Variants in TEX11 observed in about 807,000 individuals in gnomAD.
TEX11 encodes the protein testis-expressed protein 11.
TEX11 carries 7 observed loss-of-function variants against 84.4 expected under a neutral mutation model. The ratio of observed to expected loss-of-function variants is 0.08; its 90% CI spans 0.05 to 0.16. The LOEUF is 0.16. TEX11 is among the 10% of genes least tolerant of loss of function. The pLI, the probability that TEX11 is intolerant of heterozygous loss-of-function variation, is 1.00. For synonymous variants in TEX11, 264 were observed against 222.8 expected (o/e 1.18, Z -1.64); for missense variants, 551 against 660.5 (o/e 0.83, Z 1.82).
intron 8 of TEX11, among the ~76,000 whole-genome samples, chrX:70,817,234 CACACACACACATATATATAT>C (rs1316695829): frequency 9.1e-4 from 80 of 87,555 alleles, no homozygotes; most frequent in East Asian, 5.9e-3. Context: ...TACACATACA[CACACACACACATATATATAT>C]ACACACACAC....
intron 23 of TEX11, 108 bp downstream of exon 23, chrX:70,606,851 T>C (rs1414390731): frequency 7.2e-6 from 3 of 417,561 alleles, no homozygotes; most frequent in Non-Finnish European, 1.2e-5. Flanking sequence ...TATTAAAAGT[T>C]CCTAGATCAA....
At chrX:70,811,731 G>T (rs1569447343) in intron 8 of TEX11, among the ~76,000 whole-genome samples, 2 of 110,599 alleles carry the variant, frequency 1.8e-5, no homozygotes, top group Non-Finnish European at 3.8e-5. Flanking sequence ...ACTGGTGTGA[G>T]ATGGTATCTC....
At chrX:70,573,980 G>A (rs1371708020) in intron 25 of TEX11, among the ~76,000 whole-genome samples, 1 of 111,912 alleles carries the variant, frequency 8.9e-6, no homozygotes, top group Non-Finnish European at 1.9e-5. Context: ...GATGACACTT[G>A]ATGAATACTT....
At chrX:70,700,541 C>A (rs1195595201) in intron 13 of TEX11, among the ~76,000 whole-genome samples, 1 of 111,398 alleles carries the variant, frequency 9.0e-6, no homozygotes, top group Non-Finnish European at 1.9e-5. Flanking sequence ...ACTAATTATT[C>A]CCCATCTCTC....
intron 13 of TEX11, among the ~76,000 whole-genome samples, chrX:70,720,362 C>T (rs2090547882): frequency 9.1e-6 from 1 of 110,135 alleles, no homozygotes; most frequent in African/African-American, 3.3e-5. Flanking sequence ...CACACCGGGG[C>T]CTTTCATGGG....
At chrX:70,715,539 T>C (rs994567509) in intron 13 of TEX11, among the ~76,000 whole-genome samples, 1 of 111,949 alleles carries the variant, frequency 8.9e-6, no homozygotes, top group African/African-American at 3.2e-5. Context: ...ATTTCATTCA[T>C]TTGATCTTCC....
intron 19 of TEX11, among the ~76,000 whole-genome samples, chrX:70,624,599 C>G (rs1569362566): frequency 8.9e-6 from 1 of 111,974 alleles, no homozygotes; most frequent in Non-Finnish European, 1.9e-5. Flanking sequence ...GAAATGTGGC[C>G]TCAAGTGTAA....
intron 9 of TEX11, among the ~76,000 whole-genome samples, chrX:70,781,937 T>A (rs2091041855): frequency 9.0e-6 from 1 of 110,891 alleles, no homozygotes; most frequent in South Asian, 3.8e-4. Context: ...GCAAGGTAGG[T>A]GAACATTCAA....
chrX:70,591,115 A>C (rs1327518865), intron 25 of TEX11, among the ~76,000 whole-genome samples: 1 of 112,390 alleles, frequency 8.9e-6, no homozygotes, highest in Non-Finnish European at 1.9e-5. Context: ...ACTAGCCTAC[A>C]TTTAGTCAAA....
At chrX:70,561,388 C>CTTTTTTTTTTTTTTTTTTTT in intron 25 of TEX11, among the ~76,000 whole-genome samples, 1 of 78,952 alleles carries the variant, frequency 1.3e-5, no homozygotes, top group Non-Finnish European at 2.3e-5. Context: ...TATCAATTTA[C>CTTTTTTTTTTTTTTTTTTTT]TTTTTTTTTT....
At chrX:70,693,098 G>A (rs1830881) in intron 13 of TEX11, among the ~76,000 whole-genome samples, 7,609 of 110,956 alleles carry the variant, frequency 0.069, 567 homozygotes, top group African/African-American at 0.21. Context: ...AAAATTAGCT[G>A]GGCATGGTGG....
intron 8 of TEX11, among the ~76,000 whole-genome samples, chrX:70,818,110 G>A (rs775158482): frequency 5.4e-5 from 6 of 111,079 alleles, no homozygotes; most frequent in Non-Finnish European, 1.1e-4. Context: ...GCAACATGGC[G>A]AAACCCCATC....
chrX:70,842,312 C>A (rs2147842793), intron 7 of TEX11, among the ~76,000 whole-genome samples: 1 of 111,337 alleles, frequency 9.0e-6, no homozygotes, highest in South Asian at 3.8e-4. Context: ...CCCTGGGATG[C>A]AAGGCTGATT....
rs1166745743 is a variant in TEX11, at chrX:70,772,406, C to T, written c.693-28187G>A. Among the ~76,000 whole-genome samples, 5 of 110,291 alleles carry T rather than the reference C, an allele frequency of 4.5e-5. No individual in the cohort carries two copies. The Admixed American group carries it at 4.9e-4, about 11-fold the overall frequency. On this transcript the variant is annotated intron_variant, in intron 9 of 29. Coordinates refer to ENST00000374333, the MANE Select transcript of TEX11 (RefSeq NM_031276.3). ...CCTGGGCAACTTAGGGAGGCCCCAT[C>T]TATACAAAAATTTAAAAATTAGTCA...
chrX:70,879,348 TA>T (rs1452572707), intron 3 of TEX11, among the ~76,000 whole-genome samples: 2 of 111,052 alleles, frequency 1.8e-5, no homozygotes, highest in Non-Finnish European at 3.8e-5. Context: ...TATATACATA[TA>T]TAGATACTTA....
chrX:70,640,018 T>TA (rs1189399060), intron 17 of TEX11, among the ~76,000 whole-genome samples: 1 of 108,260 alleles, frequency 9.2e-6, no homozygotes, highest in Admixed American at 9.9e-5. Context: ...TTGAAAACTT[T>TA]GAAAAAAATT....
chrX:70,594,785 T>C (rs2088982549), intron 24 of TEX11, among the ~76,000 whole-genome samples: 1 of 111,511 alleles, frequency 9.0e-6, no homozygotes, highest in Admixed American at 9.5e-5. Context: ...CTGATGGTTC[T>C]GTAAGTGGCT....
At chrX:70,838,878 C>T (rs1197020288) in intron 7 of TEX11, among the ~76,000 whole-genome samples, 37 of 112,466 alleles carry the variant, frequency 3.3e-4, no homozygotes, top group Non-Finnish European at 7.5e-5. Context: ...CATGGAGTCT[C>T]GCTCATTGCT....
At chrX:70,733,120 T>A (rs1301189144) in intron 11 of TEX11, among the ~76,000 whole-genome samples, 1 of 111,891 alleles carries the variant, frequency 8.9e-6, no homozygotes, top group East Asian at 2.8e-4. Context: ...TGAAACTGGA[T>A]CCCTTCCTTA....
Sources: allele counts gnomAD v4.1 joint callset (sites outside exome capture counted in the v4.1 genomes callset), GRCh38; gene constraint gnomAD v4.1.1; transcripts MANE v1.5; gene names NCBI Gene and HGNC (gene_info 2026-07-23, HGNC 2026-07-21).